Variants in PRKCB observed in about 807,000 individuals in gnomAD.
PRKCB encodes protein kinase C beta, also known as protein kinase C beta type.
In PRKCB, 13 loss-of-function variants were observed where a neutral mutation model predicts 81.5. The ratio of observed to expected loss-of-function variants is 0.16; its 90% CI spans 0.10 to 0.25. PRKCB has a LOEUF of 0.25. PRKCB is among the 10% of genes least tolerant of loss of function. The pLI, the probability that PRKCB is intolerant of heterozygous loss-of-function variation, is 1.00. For synonymous variants in PRKCB, 335 were observed against 321.4 expected (o/e 1.04, Z -0.45); for missense variants, 509 against 875.7 (o/e 0.58, Z 5.29).
At chr16:23,886,407 T>G (rs895920295) in intron 2 of PRKCB, among the ~76,000 whole-genome samples, 2 of 14,606 alleles carry the variant, frequency 1.4e-4, no homozygotes, top group African/African-American at 9.5e-4. Flanking sequence ...GTGTTAGGTG[T>G]TTTTTTTTTT....
chr16:23,991,809 TGCAGTAACAAGA>T (rs1964889948), intron 3 of PRKCB, among the ~76,000 whole-genome samples: 1 of 152,228 alleles, frequency 6.6e-6, no homozygotes, highest in South Asian at 2.1e-4. Flanking sequence ...AGTGCTGCAG[TGCAGTAACAAGA>T]GCTAAAGTCT....
At chr16:24,142,632 G>A (rs956481107) in intron 9 of PRKCB, among the ~76,000 whole-genome samples, 1 of 152,326 alleles carries the variant, frequency 6.6e-6, no homozygotes, top group Middle Eastern at 3.4e-3. Context: ...TCCACAGGGA[G>A]TTCTAATATG....
intron 15 of PRKCB, among the ~76,000 whole-genome samples, chr16:24,189,796 C>T (rs1967762393): frequency 6.6e-6 from 1 of 152,176 alleles, no homozygotes; most frequent in African/African-American, 2.4e-5. Flanking sequence ...AGTGACTGTC[C>T]AACAGTGTAG....
chr16:24,047,312 A>T (rs1006529325), intron 5 of PRKCB, among the ~76,000 whole-genome samples: 3 of 152,152 alleles, frequency 2.0e-5, no homozygotes, highest in African/African-American at 7.2e-5. Context: ...ACCGCACTCC[A>T]GCCTGGGTGA....
chr16:23,868,762 T>C (rs764757125), intron 2 of PRKCB, among the ~76,000 whole-genome samples: 4 of 152,182 alleles, frequency 2.6e-5, no homozygotes, highest in Non-Finnish European at 4.4e-5. Flanking sequence ...CTTGTGGGGA[T>C]GGAGACTGGG....
At chr16:23,900,621 C>T (rs1426585552) in intron 2 of PRKCB, among the ~76,000 whole-genome samples, 1 of 149,950 alleles carries the variant, frequency 6.7e-6, no homozygotes, top group Non-Finnish European at 1.5e-5. Flanking sequence ...TATTTTTTTC[C>T]TTGTTGCCTT....
chr16:24,123,879 G>T lies in PRKCB; in HGVS notation c.963G>T (p.Thr321=). 3 of 1,614,118 alleles carry T rather than the reference G, an allele frequency of 1.9e-6. No individual in the cohort carries two copies. The highest frequency in any genetic ancestry group is 1.3e-5 in the African/African-American group (1 of 75,034). Residue 321 remains threonine, a synonymous_variant, in exon 9 of 17, where the codon ACG becomes ACT. Coordinates refer to ENST00000643927, the MANE Select transcript of PRKCB (RefSeq NM_002738.7). Reference sequence around the variant, plus strand: ...GAACCAAGGTCCCGGAAGAAAAGACGACCAACACTGTCTCCAAATTTGACA... The same window carrying T: ...GAACCAAGGTCCCGGAAGAAAAGACTACCAACACTGTCTCCAAATTTGACA... The part of the protein sequence containing the change: ...SQGTKVPEEK[T]TNTVSKFDNN...
At position 23,899,634 on chromosome 16, in the gene PRKCB, CTCTCTCTCTCTGTG is replaced by C. The variant is rs1308779108; in HGVS notation, c.205+62230_205+62243del. On this transcript the variant is annotated intron_variant, in intron 2 of 16. Transcript: ENST00000643927. ...TCTCTCTCTCTCTCTCTCTCTCTCT[CTCTCTCTCTCTGTG>C]TGTGTGTGTGTGTGTGTGTGGTTTG... 1.8e-3 allele frequency among the ~76,000 whole-genome samples: 15 copies of C among 8,184 alleles called. 1 individual carries two copies. The highest frequency in any genetic ancestry group is 0.022 in the South Asian group (1 of 46). The allele number at this position is 8,184 out of a possible 152,430, so 5.4% of individuals were successfully genotyped here.
At chr16:23,914,402 A>G (rs1007899038) in intron 2 of PRKCB, among the ~76,000 whole-genome samples, 1 of 152,116 alleles carries the variant, frequency 6.6e-6, no homozygotes, top group African/African-American at 2.4e-5. Flanking sequence ...GCTACCCAGA[A>G]GATCCTTAGC....
chr16:24,158,590 G>GTA (rs1173681507), intron 10 of PRKCB, among the ~76,000 whole-genome samples: 1 of 151,630 alleles, frequency 6.6e-6, no homozygotes, highest in Non-Finnish European at 1.5e-5. Context: ...ATATGTATAT[G>GTA]TATATGTGTG....
intron 9 of PRKCB, among the ~76,000 whole-genome samples, chr16:24,150,711 G>T (rs387495): frequency 0.36 from 55,231 of 152,074 alleles, 10,396 homozygotes; most frequent in South Asian, 0.47. Flanking sequence ...ATTGCTTATT[G>T]TTGTAAATAA....
At chr16:24,048,530 G>C (rs111971495) in intron 5 of PRKCB, among the ~76,000 whole-genome samples, 2,360 of 148,472 alleles carry the variant, frequency 0.016, 67 homozygotes, top group African/African-American at 0.056. Flanking sequence ...TCACTCTGTC[G>C]CCAGGCTGGA....
chr16:24,206,007 A>G (rs192373480), intron 16 of PRKCB, among the ~76,000 whole-genome samples: 1 of 152,292 alleles, frequency 6.6e-6, no homozygotes, highest in Non-Finnish European at 1.5e-5. Context: ...ACTGGATGTT[A>G]TTTTTTAATG....
chr16:24,045,993 A>T (rs1418321060), intron 5 of PRKCB, among the ~76,000 whole-genome samples: 1 of 152,208 alleles, frequency 6.6e-6, no homozygotes. Context: ...CCAGGGCTGG[A>T]ATCCTCTTTC....
intron 5 of PRKCB, among the ~76,000 whole-genome samples, chr16:24,050,942 T>G (rs1965833916): frequency 6.6e-6 from 1 of 152,126 alleles, no homozygotes; most frequent in Non-Finnish European, 1.5e-5. Flanking sequence ...GCAAGATTTT[T>G]TTTTTTTTTG....
intron 2 of PRKCB, among the ~76,000 whole-genome samples, chr16:23,875,753 T>TATATATGTATGTATATCACAC: frequency 7.2e-6 from 1 of 139,622 alleles, no homozygotes. Flanking sequence ...ATATCACACA[T>TATATATGTATGTATATCACAC]ATATGTATGT....
chr16:24,080,494 C>G (rs1409467242), intron 5 of PRKCB, among the ~76,000 whole-genome samples: 1 of 151,818 alleles, frequency 6.6e-6, no homozygotes, highest in African/African-American at 2.4e-5. Flanking sequence ...CATTGAAAGA[C>G]AGGGAGGAGA....
At chr16:24,185,953 T>A (rs1435709103) in intron 15 of PRKCB, among the ~76,000 whole-genome samples, 2 of 152,230 alleles carry the variant, frequency 1.3e-5, no homozygotes, top group African/African-American at 4.8e-5. Context: ...CTCTGCTGTA[T>A]GTGTTTAGTT....
chr16:24,017,049 T>TA (rs1965289031), intron 3 of PRKCB, among the ~76,000 whole-genome samples: 1 of 152,032 alleles, frequency 6.6e-6, no homozygotes, highest in African/African-American at 2.4e-5. Context: ...AATACATGGA[T>TA]AAGAATAACC....
Sources: allele counts gnomAD v4.1 joint callset (sites outside exome capture counted in the v4.1 genomes callset), GRCh38; gene constraint gnomAD v4.1.1; transcripts MANE v1.5; gene names NCBI Gene and HGNC (gene_info 2026-07-23, HGNC 2026-07-21).